Variants in SLC22A25 observed in about 807,000 individuals in gnomAD.
The protein encoded by SLC22A25 is MGI:2442751, MGI:2385316, MGI:3042283, MGI:3645714, MGI:3605624, MGI:2442750.
Under a neutral mutation model 45.9 loss-of-function variants are expected in SLC22A25, and 44 were observed. The ratio of observed to expected loss-of-function variants is 0.96; its 90% CI spans 0.75 to 1.23. SLC22A25 has a LOEUF of 1.23. SLC22A25 is among the 50% of genes most tolerant of loss of function. The pLI, the probability that SLC22A25 is intolerant of heterozygous loss-of-function variation, is 0.00. For missense variants in SLC22A25, 800 were observed against 666.4 expected (o/e 1.20, Z -2.21); for synonymous variants, 283 against 238.6 (o/e 1.19, Z -1.72).
intron 10 of SLC22A25, 63 bp from the exon 11 acceptor site, chr11:63,164,697 G>T: frequency 7.4e-7 from 1 of 1,344,818 alleles, no homozygotes; most frequent in Non-Finnish European, 1.1e-6. Context: ...CATCTCCCAA[G>T]GTAGAAGTGA....
At chr11:63,235,289 C>G (rs192436260) in intron 3 of SLC22A25, among the ~76,000 whole-genome samples, 36 of 152,314 alleles carry the variant, frequency 2.4e-4, no homozygotes, top group African/African-American at 7.9e-4. Flanking sequence ...ACCAGTTAGA[C>G]GTAGATTTGT....
At chr11:63,211,850 C>A (rs1193649) in intron 7 of SLC22A25, among the ~76,000 whole-genome samples, 142,599 of 144,424 alleles carry the variant, frequency 0.99, 70,390 homozygotes, top group Middle Eastern at 0.99. Context: ...TTCTGCACAG[C>A]AAAAGAAACT....
intron 5 of SLC22A25, chr11:63,220,164 G>T: frequency 2.6e-6 from 1 of 384,792 alleles, no homozygotes; most frequent in Admixed American, 4.0e-5. Context: ...TTTTTGCAAA[G>T]ACAAAAAAAA....
At chr11:63,194,627 C>T (rs750593835) in intron 7 of SLC22A25, among the ~76,000 whole-genome samples, 3 of 151,902 alleles carry the variant, frequency 2.0e-5, no homozygotes, top group Non-Finnish European at 4.4e-5. Context: ...ATGTAAAGAC[C>T]ATCGATGCTA....
intron 7 of SLC22A25, among the ~76,000 whole-genome samples, chr11:63,197,201 A>G (rs550600854): frequency 6.6e-5 from 10 of 152,318 alleles, no homozygotes; most frequent in South Asian, 6.2e-4. Context: ...TATAGATTCA[A>G]TACCATCCCC....
At chr11:63,241,829 G>T (rs1374275832) in intron 1 of SLC22A25, among the ~76,000 whole-genome samples, 1 of 152,188 alleles carries the variant, frequency 6.6e-6, no homozygotes, top group Non-Finnish European at 1.5e-5. Context: ...GGGCAACAGG[G>T]TCTCTGAACC....
At chr11:63,219,937 G>C (rs1360712428) in intron 5 of SLC22A25, 2 of 1,289,218 alleles carry the variant, frequency 1.6e-6, no homozygotes, top group South Asian at 2.5e-5. Context: ...GATACCAGAA[G>C]ACGTGATGCT....
At chr11:63,192,175 A>T (rs1220324041) in intron 7 of SLC22A25, among the ~76,000 whole-genome samples, 1 of 152,156 alleles carries the variant, frequency 6.6e-6, no homozygotes, top group East Asian at 1.9e-4. Context: ...GAGATTGGGG[A>T]TGAATATTCA....
chr11:63,220,102 G>A, intron 5 of SLC22A25: 3 of 963,826 alleles, frequency 3.1e-6, no homozygotes, highest in Non-Finnish European at 4.3e-6. Context: ...ATTGTCCTTA[G>A]ATTACTTACC....
chr11:63,239,390 T>A (rs567043930), intron 1 of SLC22A25, among the ~76,000 whole-genome samples: 1 of 152,222 alleles, frequency 6.6e-6, no homozygotes, highest in Non-Finnish European at 1.5e-5. Flanking sequence ...AGTTCTACTT[T>A]GTGAAAATTT....
chr11:63,170,155 C>T (rs761441749), intron 9 of SLC22A25, among the ~76,000 whole-genome samples: 3 of 152,142 alleles, frequency 2.0e-5, no homozygotes, highest in Non-Finnish European at 4.4e-5. Context: ...CTCTGGGACA[C>T]AGCAAAAGCA....
At chr11:63,220,090 AT>A in intron 5 of SLC22A25, 1 of 1,028,656 alleles carries the variant, frequency 9.7e-7, no homozygotes, top group Non-Finnish European at 1.3e-6. Flanking sequence ...GACTGTGACA[AT>A]ATTGTCCTTA....
At position 63,164,631 on chromosome 11, in the gene SLC22A25, A is replaced by G. The variant is rs1322218011; in HGVS notation, c.1289T>C (p.Met430Thr). 1.2e-6 allele frequency: 2 copies of G among 1,612,918 alleles called. No homozygotes were observed. The highest frequency in any genetic ancestry group is 1.7e-5 in the Admixed American group (1 of 59,974). ...TGCCAAAACCACACGCAGGGTCTGCATTTCTGGAGAAAGGAAGACCACAGG... is the reference window on the plus strand; with the variant it reads ...TGCCAAAACCACACGCAGGGTCTGCGTTTCTGGAGAAAGGAAGACCACAGG... The part of the protein sequence containing the change: ...LLAIIFVPQE[M>T]QTLRVVLATL... The change falls in exon 11 of 12, where the codon ATG (methionine) becomes ACG (threonine). Residue 430 changes from methionine to threonine, a missense_variant. Transcript: ENST00000306494.
At chr11:63,190,161 G>A (rs2088745870) in intron 7 of SLC22A25, among the ~76,000 whole-genome samples, 1 of 152,104 alleles carries the variant, frequency 6.6e-6, no homozygotes. Context: ...ATTCCATTCT[G>A]CCCATCACTT....
intron 9 of SLC22A25, chr11:63,167,403 C>T (rs1040191524): frequency 1.4e-4 from 21 of 152,312 alleles, no homozygotes; most frequent in African/African-American, 5.1e-4. Context: ...GCCCAGCAAG[C>T]TAAGAACCAC....
At position 63,160,421 on chromosome 11, in the gene SLC22A25, G is replaced by A. The variant is rs753641135; in HGVS notation, c.*3403C>T. On this transcript the variant is annotated 3_prime_UTR_variant, in exon 12 of 12. Coordinates refer to ENST00000306494, the MANE Select transcript of SLC22A25 (RefSeq NM_199352.6). ...GCTTCCATGTGGTGTTGAGCCTACA[G>A]GTGCAAAGAAGTCAAGAATTGAGGT... is the stretch of plus-strand genomic sequence containing the variant. Among the ~76,000 whole-genome samples, 1 of 152,202 alleles carries A rather than the reference G, an allele frequency of 6.6e-6. No homozygotes were observed. The highest frequency in any genetic ancestry group is 1.5e-5 in the Non-Finnish European group (1 of 68,040).
intron 7 of SLC22A25, among the ~76,000 whole-genome samples, chr11:63,216,954 A>G (rs2089727446): frequency 6.6e-6 from 1 of 152,208 alleles, no homozygotes; most frequent in African/African-American, 2.4e-5. Flanking sequence ...TTTGTTCTTT[A>G]TCTGAAATTT....
In SLC22A25 at chr11:63,190,461, A is replaced by G. The variant is rs536106608; in HGVS notation, c.831-6644T>C. Among the ~76,000 whole-genome samples the G allele has an allele frequency of 7.0e-3, 1,069 of 151,938 alleles. 15 individuals carry two copies. The highest frequency in any genetic ancestry group is 0.024 in the African/African-American group (985 of 41,450). The stretch of plus-strand genomic sequence containing the variant: ...AGCCATTCGTCTAATTTTTTTTTCA[A>G]GGTTTTTAACTTCTTTGCCATGAGT... On this transcript the variant is annotated intron_variant, in intron 7 of 11. Transcript: ENST00000306494.
intron 7 of SLC22A25, among the ~76,000 whole-genome samples, chr11:63,196,752 C>G (rs2089049239): frequency 6.6e-6 from 1 of 152,080 alleles, no homozygotes; most frequent in African/African-American, 2.4e-5. Context: ...GAAGTTCTGG[C>G]CAGGGCAATC....
Sources: gnomAD v4.1 joint callset for allele counts (sites outside exome capture counted in the v4.1 genomes callset) on GRCh38, gnomAD v4.1.1 for gene constraint, MANE v1.5 for transcripts, NCBI Gene and HGNC (gene_info 2026-07-23, HGNC 2026-07-21) for gene names.